The following RAPGEF5 variants were observed in gnomAD, a reference collection of about 807,000 sequenced individuals.
The protein encoded by RAPGEF5 is Rap guanine nucleotide exchange factor 5.
A neutral mutation model predicts 125.2 loss-of-function variants in RAPGEF5; 65 were observed. That is an observed-to-expected ratio of 0.52 (90% CI 0.43 to 0.64). RAPGEF5 has a LOEUF of 0.64. RAPGEF5 is among the 30% of genes least tolerant of loss of function. RAPGEF5 has a pLI of 0.00. For missense variants in RAPGEF5, 958 were observed against 1,048.1 expected (o/e 0.91, Z 1.19); for synonymous variants, 391 against 385.9 (o/e 1.01, Z -0.16).
At chr7:22,130,668 T>C (rs1562704262) in intron 24 of RAPGEF5, among the ~76,000 whole-genome samples, 1 of 152,208 alleles carries the variant, frequency 6.6e-6, no homozygotes, top group Non-Finnish European at 1.5e-5. Context: ...GAGAGATGCC[T>C]ATAAAGCAGT....
intron 11 of RAPGEF5, among the ~76,000 whole-genome samples, chr7:22,183,530 A>C (rs1364859233): frequency 6.6e-6 from 1 of 152,190 alleles, no homozygotes; most frequent in Non-Finnish European, 1.5e-5. Flanking sequence ...ATTTGAGGTA[A>C]AGTATTTCAG....
Position 22,356,977 on chromosome 7 carries a change from TGCCGCCACCACC to T in RAPGEF5, c.72_83del (p.Val25_Ala28del). The T allele has an allele frequency of 9.7e-7, 1 of 1,028,752 alleles. No individual in the cohort carries two copies. The highest frequency in any genetic ancestry group is 1.7e-5 in the African/African-American group (1 of 57,652). 63.7% of individuals were successfully genotyped at this position (1,028,752 alleles called of 1,614,324 possible). ...TGGGGCTGCGGCGCAGGGGGCCGTC[TGCCGCCACCACC>T]GCCGCCGCGGCGGCCAGGGCCGGGC... On this transcript the variant is annotated inframe_deletion, in exon 1 of 26. Transcript: ENST00000665637.
chr7:22,123,422 G>A (rs1782643593), intron 25 of RAPGEF5, among the ~76,000 whole-genome samples: 1 of 152,198 alleles, frequency 6.6e-6, no homozygotes, highest in Non-Finnish European at 1.5e-5. Context: ...GGTGAGTGGT[G>A]AAGACATCAT....
intron 11 of RAPGEF5, among the ~76,000 whole-genome samples, chr7:22,177,720 G>A (rs1784552385): frequency 6.6e-6 from 1 of 152,214 alleles, no homozygotes; most frequent in Admixed American, 6.5e-5. Context: ...ACAGCACTGA[G>A]GCTGAGATGA....
chr7:22,146,492 A>C (rs552143183), intron 19 of RAPGEF5, among the ~76,000 whole-genome samples: 1 of 152,204 alleles, frequency 6.6e-6, no homozygotes, highest in African/African-American at 2.4e-5. Context: ...GAATGTTCTT[A>C]AGTAAAAAGA....
chr7:22,157,856 T>C lies in RAPGEF5; in HGVS notation c.1556A>G (p.Lys519Arg), dbSNP rs1362632348. ...HTVDEYSPQK[K>R]NKALFHQFSL... ...TTAGGTATAGAAGCATCTGCTTACC[T>C]TTTTTTGTGGTGAATATTCATCTAC... Residue 519 changes from lysine to arginine, a missense_variant and splice_region_variant, in exon 15 of 26, where the codon AAG becomes AGG. Lys to Arg is a conservative substitution (Grantham distance 26). Coordinates refer to ENST00000665637, the MANE Select transcript of RAPGEF5 (RefSeq NM_012294.5). The C allele has an allele frequency of 1.9e-6, 3 of 1,610,392 alleles. No homozygotes were observed. The highest frequency in any genetic ancestry group is 2.2e-5 in the South Asian group (2 of 90,830).
chr7:22,306,266 C>A (rs1202388986), intron 5 of RAPGEF5, among the ~76,000 whole-genome samples: 1 of 152,158 alleles, frequency 6.6e-6, no homozygotes, highest in Non-Finnish European at 1.5e-5. Context: ...GCCATTTTAA[C>A]TGGGGTGAAA....
intron 11 of RAPGEF5, among the ~76,000 whole-genome samples, chr7:22,182,826 T>A (rs957611771): frequency 1.3e-5 from 2 of 152,184 alleles, no homozygotes; most frequent in Non-Finnish European, 1.5e-5. Context: ...TCAAATTTAT[T>A]TTTATGAGAA....
chr7:22,171,687 T>C lies in RAPGEF5; in HGVS notation c.1205-4539A>G, dbSNP rs1027201270. On this transcript the variant is annotated intron_variant, in intron 11 of 25. Transcript: ENST00000665637. ...CTAATTTTTGTATTTTTAGTAGAGA[T>C]GGGGGTTTCACCATGTTGGCCAGGC... Among the ~76,000 whole-genome samples, 29 of 152,132 alleles carry C rather than the reference T, an allele frequency of 1.9e-4. No individual in the cohort carries two copies. The East Asian group carries it at 4.9e-3, about 26-fold the overall frequency.
chr7:22,153,074 C>T (rs755128563), intron 17 of RAPGEF5, among the ~76,000 whole-genome samples: 4 of 152,104 alleles, frequency 2.6e-5, no homozygotes, highest in African/African-American at 4.8e-5. Context: ...CAGCTTCTCA[C>T]GAGGCCCTGG....
intron 1 of RAPGEF5, among the ~76,000 whole-genome samples, chr7:22,350,427 A>G (rs1784309656): frequency 6.6e-6 from 1 of 152,380 alleles, no homozygotes; most frequent in East Asian, 1.9e-4. Flanking sequence ...AAATATGTCC[A>G]TGAAAGTCCT....
chr7:22,220,825 C>A (rs1020065497), intron 8 of RAPGEF5, among the ~76,000 whole-genome samples: 13 of 152,080 alleles, frequency 8.5e-5, no homozygotes, highest in African/African-American at 2.9e-4. Flanking sequence ...ATAAAGAAAT[C>A]CAAAGTTATA....
chr7:22,341,770 G>A (rs1784133707), intron 1 of RAPGEF5, among the ~76,000 whole-genome samples: 2 of 152,214 alleles, frequency 1.3e-5, no homozygotes, highest in South Asian at 2.1e-4. Context: ...TCATGCTGAT[G>A]CAAGACAGGG....
At chr7:22,136,591 A>G (rs1011825216) in intron 22 of RAPGEF5, among the ~76,000 whole-genome samples, 1 of 152,136 alleles carries the variant, frequency 6.6e-6, no homozygotes, top group Non-Finnish European at 1.5e-5. Flanking sequence ...AAATTGTAAA[A>G]AGGAGAAAAG....
intron 1 of RAPGEF5, among the ~76,000 whole-genome samples, chr7:22,333,097 A>C (rs1562533258): frequency 6.6e-6 from 1 of 152,220 alleles, no homozygotes; most frequent in Non-Finnish European, 1.5e-5. Flanking sequence ...ATATATATTC[A>C]TATTAAATGC....
intron 7 of RAPGEF5, among the ~76,000 whole-genome samples, chr7:22,261,066 A>C (rs1320135075): frequency 1.3e-5 from 2 of 152,242 alleles, no homozygotes; most frequent in Admixed American, 1.3e-4. Context: ...CACCATATAC[A>C]TAAAATTAAT....
rs997700138 is a variant in RAPGEF5, at chr7:22,301,354, G to A, written c.680+6985C>T. On this transcript the variant is annotated intron_variant, in intron 5 of 25. Coordinates refer to ENST00000665637, the MANE Select transcript of RAPGEF5 (RefSeq NM_012294.5). The stretch of plus-strand genomic sequence containing the variant: ...AGTAGGGCCAGGCGTGGTGGCTCAC[G>A]CCTGTAATCTCCGAACTTTGGGAGG... Among the ~76,000 whole-genome samples, 4 of 152,260 alleles carry A rather than the reference G, an allele frequency of 2.6e-5. No homozygotes were observed. In the East Asian group the frequency reaches 5.8e-4, roughly 22 times the overall value.
chr7:22,277,601 C>A (rs1052092282), intron 6 of RAPGEF5, among the ~76,000 whole-genome samples: 6 of 152,132 alleles, frequency 3.9e-5, no homozygotes, highest in Non-Finnish European at 8.8e-5. Flanking sequence ...CATGCTCATG[C>A]AGGTCATTGA....
chr7:22,212,897 C>A (rs1583486457), intron 9 of RAPGEF5, among the ~76,000 whole-genome samples: 1 of 152,156 alleles, frequency 6.6e-6, no homozygotes. Context: ...CTTTTCAATA[C>A]TTCACTTTAA....
Sources: gnomAD v4.1 joint callset for allele counts (sites outside exome capture counted in the v4.1 genomes callset) on GRCh38, gnomAD v4.1.1 for gene constraint, MANE v1.5 for transcripts, NCBI Gene and HGNC (gene_info 2026-07-23, HGNC 2026-07-21) for gene names.